The following SYTL5 variants were observed in gnomAD, a reference collection of about 807,000 sequenced individuals.
SYTL5 encodes the protein synaptotagmin like 5, also known as synaptotagmin-like protein 5.
Under a neutral mutation model 55.9 loss-of-function variants are expected in SYTL5, and 34 were observed. The ratio of observed to expected loss-of-function variants is 0.61; its 90% CI spans 0.46 to 0.81. SYTL5 has a LOEUF of 0.81. SYTL5 is among the 30% of genes least tolerant of loss of function. SYTL5 has a pLI of 0.00. For missense variants in SYTL5, 637 were observed against 546.7 expected (o/e 1.17, Z -1.65); for synonymous variants, 221 against 188.7 (o/e 1.17, Z -1.40).
In SYTL5 at chrX:38,062,805, A is replaced by T. The variant is rs150126941; in HGVS notation, c.329+8383A>T. Reference sequence around the variant, plus strand: ...AGATGAAAACAAGGTGACTGTTGAAACCGCAAATTACCGAACATCCCCATT... The same window carrying T: ...AGATGAAAACAAGGTGACTGTTGAATCCGCAAATTACCGAACATCCCCATT... On this transcript the variant is annotated intron_variant, in intron 3 of 16. Coordinates refer to ENST00000297875, the MANE Select transcript of SYTL5 (RefSeq NM_138780.3). Among the ~76,000 whole-genome samples the T allele has an allele frequency of 8.4e-3, 940 of 112,096 alleles. 5 individuals carry two copies. Among genetic ancestry groups the T allele is most frequent in the Middle Eastern group, 0.046 (10 of 218 alleles).
At chrX:38,053,005 A>G (rs1935666413) in intron 2 of SYTL5, among the ~76,000 whole-genome samples, 1 of 112,475 alleles carries the variant, frequency 8.9e-6, no homozygotes, top group African/African-American at 3.2e-5. Flanking sequence ...TAATTATGTT[A>G]GAATCTGTGG....
At chrX:37,981,468 G>A in the SYTL5 span, among the ~76,000 whole-genome samples, 1 of 110,653 alleles carries the variant, frequency 9.0e-6, no homozygotes, top group Non-Finnish European at 1.9e-5. Context: ...GCTAATTTTT[G>A]TATTTTTTTG....
the SYTL5 span, among the ~76,000 whole-genome samples, chrX:37,910,715 C>T: frequency 1.8e-5 from 2 of 111,804 alleles, no homozygotes; most frequent in Non-Finnish European, 3.8e-5. Flanking sequence ...ATCGGAATCA[C>T]CTGGAGAAAT....
At chrX:37,991,395 G>C in the SYTL5 span, 30 of 679,817 alleles carry the variant, frequency 4.4e-5, no homozygotes, top group Non-Finnish European at 5.9e-5. Flanking sequence ...TATCCCCAGA[G>C]AGCTGAAGGC....
chrX:37,951,595 G>C, the SYTL5 span, among the ~76,000 whole-genome samples: 1 of 110,786 alleles, frequency 9.0e-6, no homozygotes, highest in East Asian at 2.8e-4. Flanking sequence ...CAAATTGTGA[G>C]GAGCAAGGAG....
chrX:37,911,434 T>C, the SYTL5 span, among the ~76,000 whole-genome samples: 45 of 111,745 alleles, frequency 4.0e-4, no homozygotes, highest in African/African-American at 1.3e-3. Context: ...TCTCTATTCA[T>C]GTTTGTTCTC....
the SYTL5 span, among the ~76,000 whole-genome samples, chrX:37,962,647 A>G: frequency 8.9e-6 from 1 of 111,889 alleles, no homozygotes; most frequent in Non-Finnish European, 1.9e-5. Flanking sequence ...AGGAATCACC[A>G]CACTGTCTTC....
intron 1 of SYTL5, among the ~76,000 whole-genome samples, chrX:38,026,176 G>T (rs1456751590): frequency 1.8e-5 from 2 of 112,442 alleles, no homozygotes; most frequent in Non-Finnish European, 3.8e-5. Flanking sequence ...CCTTTCTCTA[G>T]TTGGAGTCTG....
chrX:37,936,575 C>G, the SYTL5 span, among the ~76,000 whole-genome samples: 1 of 111,749 alleles, frequency 8.9e-6, no homozygotes, highest in South Asian at 3.7e-4. Context: ...GTATTGATAG[C>G]CAGCTATTGA....
chrX:38,034,746 G>A (rs770572672), intron 2 of SYTL5, among the ~76,000 whole-genome samples: 15 of 112,136 alleles, frequency 1.3e-4, no homozygotes, highest in Non-Finnish European at 2.3e-4. Context: ...TGGTTGCGTC[G>A]CCTGCTCTAA....
At chrX:37,990,458 A>G in the SYTL5 span, among the ~76,000 whole-genome samples, 1 of 112,369 alleles carries the variant, frequency 8.9e-6, no homozygotes. Flanking sequence ...GCTATAAAAG[A>G]CTTCACAGAT....
intron 2 of SYTL5, among the ~76,000 whole-genome samples, chrX:38,036,031 C>T (rs937853205): frequency 9.0e-6 from 1 of 111,625 alleles, no homozygotes; most frequent in South Asian, 3.8e-4. Context: ...GTTGGCTGGG[C>T]GCAGTGGCTC....
At chrX:37,956,186 G>A in the SYTL5 span, among the ~76,000 whole-genome samples, 1 of 111,881 alleles carries the variant, frequency 8.9e-6, no homozygotes, top group Admixed American at 9.5e-5. Context: ...CCTAGTTGCT[G>A]GTTCTTGTCT....
At chrX:37,986,019 T>C in the SYTL5 span, among the ~76,000 whole-genome samples, 1 of 110,545 alleles carries the variant, frequency 9.0e-6, no homozygotes, top group African/African-American at 3.3e-5. Context: ...TCAAAATGAA[T>C]CAAAGAACTA....
At chrX:38,125,190 A>G (rs1937615562) in intron 15 of SYTL5, 108 bp from the exon 16 acceptor site, 1 of 629,838 alleles carries the variant, frequency 1.6e-6, no homozygotes, top group African/African-American at 2.3e-5. Flanking sequence ...AGATTTAAGC[A>G]TATAGAAGCC....
chrX:37,935,369 G>A, the SYTL5 span, among the ~76,000 whole-genome samples: 1 of 112,245 alleles, frequency 8.9e-6, no homozygotes, highest in African/African-American at 3.2e-5. Flanking sequence ...AGGCTAAAAT[G>A]AAAGGACACC....
At chrX:38,091,191 T>A (rs755898639) in intron 7 of SYTL5, among the ~76,000 whole-genome samples, 1 of 111,729 alleles carries the variant, frequency 9.0e-6, no homozygotes, top group Non-Finnish European at 1.9e-5. Flanking sequence ...TCATACCCCA[T>A]GTGAGAGATT....
chrX:37,971,584 A>G, the SYTL5 span, among the ~76,000 whole-genome samples: 1 of 111,572 alleles, frequency 9.0e-6, no homozygotes, highest in Non-Finnish European at 1.9e-5. Context: ...AGTGGTTTTT[A>G]TCTCAGTTGA....
chrX:38,113,436 T>C (rs1034972489), intron 13 of SYTL5, among the ~76,000 whole-genome samples: 1 of 112,101 alleles, frequency 8.9e-6, no homozygotes, highest in Non-Finnish European at 1.9e-5. Context: ...CAGACTTTTG[T>C]CTGTAATTCC....
Sources: allele counts gnomAD v4.1 joint callset (sites outside exome capture counted in the v4.1 genomes callset), GRCh38; gene constraint gnomAD v4.1.1; transcripts MANE v1.5; gene names NCBI Gene and HGNC (gene_info 2026-07-23, HGNC 2026-07-21).